The following ALDH5A1 variants were observed in gnomAD, a reference collection of about 807,000 sequenced individuals.
ALDH5A1 encodes the protein aldehyde dehydrogenase 5 family member A1.
ALDH5A1 carries 33 observed loss-of-function variants against 54.7 expected under a neutral mutation model. That is an observed-to-expected ratio of 0.60 (90% CI 0.46 to 0.81). The LOEUF is 0.81. Among genes scored for constraint, ALDH5A1 ranks in the 30% least tolerant of loss-of-function variants. ALDH5A1 has a pLI of 0.00. For synonymous variants in ALDH5A1, 294 were observed against 292.7 expected, an observed-to-expected ratio of 1.00 and a Z score of -0.05; for missense variants, 657 against 711.0, an observed-to-expected ratio of 0.92 and a Z score of 0.86.
Position 24,525,635 on chromosome 6 carries a change from G to T in ALDH5A1, c.1174-2362G>T, listed in dbSNP as rs148925683. On this transcript the variant is annotated intron_variant, in intron 7 of 9. Transcript: ENST00000357578. The stretch of plus-strand genomic sequence containing the variant: ...GGGCAAGAGAATCTCTTGAACCCAC[G>T]AGGCGGAGGTTGCAGTGAGCAGAGA... Among the ~76,000 whole-genome samples the T allele has an allele frequency of 2.6e-5, 4 of 152,132 alleles. No homozygotes were observed. The East Asian group carries it at 7.7e-4, about 29-fold the overall frequency.
At chr6:24,517,645 A>C (rs1346138118) in intron 5 of ALDH5A1, among the ~76,000 whole-genome samples, 1 of 152,260 alleles carries the variant, frequency 6.6e-6, no homozygotes, top group Non-Finnish European at 1.5e-5. Flanking sequence ...ACAGGGCTCC[A>C]GGAAAATATC....
At position 24,533,602 on chromosome 6, in the gene ALDH5A1, G is replaced by C. The variant is rs999671766; in HGVS notation, c.1498G>C (p.Val500Leu). The C allele has an allele frequency of 1.2e-6, 2 of 1,614,048 alleles. No homozygotes were observed. Among genetic ancestry groups the C allele is most frequent in the African/African-American group, 2.7e-5 (2 of 74,910 alleles). Reference protein sequence around the residue: ...VGVNEGLISSVECPFGGVKQS... With the variant: ...VGVNEGLISSLECPFGGVKQS... ...CGTCAACGAAGGATTAATTTCCTCTGTGGAGTGCCCTTTTGGTGGAGTGAA... is the reference window on the plus strand; with the variant it reads ...CGTCAACGAAGGATTAATTTCCTCTCTGGAGTGCCCTTTTGGTGGAGTGAA... The change falls in exon 10 of 10, where the codon GTG becomes CTG. Residue 500 changes from valine (V) to leucine (L), a missense_variant. Coordinates refer to ENST00000357578, the MANE Select transcript of ALDH5A1 (RefSeq NM_001080.3).
intron 4 of ALDH5A1, among the ~76,000 whole-genome samples, chr6:24,506,820 C>A (rs1381662213): frequency 3.1e-5 from 4 of 130,678 alleles, no homozygotes; most frequent in Admixed American, 7.8e-5. Context: ...CATTCAATTT[C>A]TCCTATTACT....
rs1759413918 is a variant in ALDH5A1 at position 24,509,083 on chromosome 6, G to C, written c.726+4098G>C. 6.6e-6 allele frequency among the ~76,000 whole-genome samples: 1 copy of C among 151,604 alleles called. No homozygotes were observed. The highest frequency in any genetic ancestry group is 1.5e-5 in the Non-Finnish European group (1 of 67,874). ...CTGTGGGTTGTCTGTTTACTCTGCT[G>C]ACTGTTCCTTTTGCCATGCAAAAGC... On this transcript the variant is annotated intron_variant, in intron 4 of 9. Transcript: ENST00000357578. The surrounding 1 kb of genome is among the most constrained non-coding windows in gnomAD (Gnocchi z 4.7).
intron 4 of ALDH5A1, among the ~76,000 whole-genome samples, chr6:24,510,868 TG>T (rs918130694): frequency 6.6e-6 from 1 of 151,748 alleles, no homozygotes; most frequent in African/African-American, 2.4e-5. Flanking sequence ...TGAATACTTT[TG>T]GGTTTTGTTT....
At chr6:24,526,033 C>G (rs531553712) in intron 7 of ALDH5A1, among the ~76,000 whole-genome samples, 1 of 152,260 alleles carries the variant, frequency 6.6e-6, no homozygotes, top group South Asian at 2.1e-4. Flanking sequence ...AGGGCTCTCT[C>G]GACTTTGCCT....
At chr6:24,501,737 ATTTT>A (rs1012530672) in intron 1 of ALDH5A1, among the ~76,000 whole-genome samples, 1 of 151,818 alleles carries the variant, frequency 6.6e-6, no homozygotes, top group Non-Finnish European at 1.5e-5. Flanking sequence ...TAAATTTTTG[ATTTT>A]TTTTATTTGT....
intron 5 of ALDH5A1, among the ~76,000 whole-genome samples, chr6:24,516,936 A>G (rs1759586683): frequency 2.0e-5 from 3 of 152,196 alleles, no homozygotes; most frequent in Non-Finnish European, 4.4e-5. Context: ...AAAATAATAA[A>G]AATAAAAAAG....
chr6:24,502,885 T>C (rs957832509), intron 2 of ALDH5A1, among the ~76,000 whole-genome samples: 1 of 152,120 alleles, frequency 6.6e-6, no homozygotes, highest in Non-Finnish European at 1.5e-5. Flanking sequence ...TTTTTTTCCA[T>C]GTTACTGTTT....
chr6:24,528,037 C>A lies in ALDH5A1; in HGVS notation c.1214C>A (p.Thr405Asn). Residue 405 changes from threonine (T) to asparagine (N), a missense_variant, in exon 8 of 10, where the codon ACC becomes AAC. Coordinates refer to ENST00000357578, the MANE Select transcript of ALDH5A1 (RefSeq NM_001080.3). ...AATGATGCCGTTTCTAAAGGTGCCA[C>A]CGTTGTGACAGGTGGAAAACGACAC... is the stretch of plus-strand genomic sequence containing the variant. ...QVNDAVSKGA[T>N]VVTGGKRHQL... is the part of the protein sequence containing the mutation. 6.2e-7 allele frequency: 1 copy of A among 1,614,150 alleles called. No homozygotes were observed. The highest frequency in any genetic ancestry group is 8.5e-7 in the Non-Finnish European group (1 of 1,179,992).
At chr6:24,510,077 A>T (rs1419617743) in intron 4 of ALDH5A1, among the ~76,000 whole-genome samples, 2 of 152,162 alleles carry the variant, frequency 1.3e-5, no homozygotes, top group African/African-American at 4.8e-5. Context: ...ATCATTCAGG[A>T]GCAAGTTATT....
intron 7 of ALDH5A1, 98 bp downstream of exon 7, chr6:24,523,023 GA>G (rs748467843): frequency 4.0e-5 from 32 of 799,934 alleles, no homozygotes; most frequent in Non-Finnish European, 5.8e-5. Context: ...TGGGGATAGA[GA>G]GGGGTGGGTT....
intron 6 of ALDH5A1, 50 bp downstream of exon 6, chr6:24,520,594 AGTGTGTGTATGTGTGT>A: frequency 6.2e-7 from 1 of 1,604,602 alleles, no homozygotes; most frequent in African/African-American, 1.4e-5. Context: ...TGCATGTGTG[AGTGTGTGTATGTGTGT>A]GTGTGTGATA....
chr6:24,502,497 T>C, intron 1 of ALDH5A1, 26 bp from the exon 2 acceptor site: 1 of 1,546,986 alleles, frequency 6.5e-7, no homozygotes, highest in South Asian at 1.1e-5. Flanking sequence ...TTTTATTACT[T>C]TTCTGCCTTG....
At chr6:24,508,016 A>G (rs1158916410) in intron 4 of ALDH5A1, among the ~76,000 whole-genome samples, 1 of 151,978 alleles carries the variant, frequency 6.6e-6, no homozygotes, top group Non-Finnish European at 1.5e-5. Context: ...GCTCCCACTT[A>G]TGAGTGAGAA....
In ALDH5A1 at chr6:24,524,514, C is replaced by T. The variant is rs544450515; in HGVS notation, c.1173+1589C>T. On this transcript the variant is annotated intron_variant, in intron 7 of 9. Transcript: ENST00000357578. The stretch of plus-strand genomic sequence containing the variant: ...CCTCCTCAGAGCCTGAGAACCAAGC[C>T]CTGACTCCATGGCTGCCTCCACCCC... 3.3e-5 allele frequency among the ~76,000 whole-genome samples: 5 copies of T among 152,202 alleles called. No homozygotes were observed. In the South Asian group the frequency reaches 8.3e-4, roughly 25 times the overall value.
chr6:24,526,962 ATATG>A (rs1404294478), intron 7 of ALDH5A1, among the ~76,000 whole-genome samples: 1 of 10,902 alleles, frequency 9.2e-5, no homozygotes, highest in African/African-American at 2.0e-4. Flanking sequence ...TAATATATAT[ATATG>A]TGTGTGTGTA....
intron 1 of ALDH5A1, among the ~76,000 whole-genome samples, chr6:24,498,505 G>A (rs1370412240): frequency 6.6e-6 from 1 of 152,190 alleles, no homozygotes; most frequent in African/African-American, 2.4e-5. Flanking sequence ...GTGATTGTTT[G>A]GCAGCTGCAG....
chr6:24,514,767 TTTTG>T (rs201861820), intron 4 of ALDH5A1, among the ~76,000 whole-genome samples: 1,771 of 151,748 alleles, frequency 0.012, 45 homozygotes, highest in South Asian at 0.087. Context: ...ACTCTAAGAA[TTTTG>T]TTTGTTTGTT....
Sources: gnomAD v4.1 joint callset for allele counts (sites outside exome capture counted in the v4.1 genomes callset) on GRCh38, gnomAD v4.1.1 for gene constraint, Gnocchi (gnomAD v3.1) non-coding constraint, MANE v1.5 for transcripts, NCBI Gene and HGNC (gene_info 2026-07-23, HGNC 2026-07-21) for gene names.